Variants in TTPA observed in about 807,000 individuals in gnomAD.
TTPA encodes the protein alpha-tocopherol transfer protein.
Under a neutral mutation model 25.9 loss-of-function variants are expected in TTPA, and 23 were observed. That is an observed-to-expected ratio of 0.89 (90% CI 0.64 to 1.26). The LOEUF (loss-of-function observed/expected upper bound fraction) is 1.26, where lower values mean the gene tolerates loss of function less well. Among genes scored for constraint, TTPA ranks in the 50% most tolerant of loss-of-function variants. The probability of loss-of-function intolerance (pLI) is 0.00; values close to 1 mark genes in which losing one functional copy is unlikely to be tolerated. For synonymous variants in TTPA, 148 were observed against 137.3 expected (o/e 1.08, Z -0.54); for missense variants, 337 against 353.1 (o/e 0.95, Z 0.37).
chr8:63,069,635 C>T (rs965017310), intron 2 of TTPA, among the ~76,000 whole-genome samples: 24 of 151,568 alleles, frequency 1.6e-4, no homozygotes, highest in Non-Finnish European at 2.7e-4. Context: ...CTCCAAAAGC[C>T]GAAGTGGGAG....
rs1258543237 is a variant in TTPA, at chr8:63,059,931, A to AT, written c.*1320dup. 6.6e-6 allele frequency: 1 copy of AT among 152,026 alleles called. No homozygotes were observed. Among genetic ancestry groups the AT allele is most frequent in the East Asian group, 1.9e-4 (1 of 5,192 alleles). The allele number at this position is 152,026 out of a possible 1,614,324, so 9.4% of individuals were successfully genotyped here. On this transcript the variant is annotated 3_prime_UTR_variant, in exon 5 of 5. Coordinates refer to ENST00000260116, the MANE Select transcript of TTPA (RefSeq NM_000370.3). Reference sequence around the variant, plus strand: ...GGTCTAGAACTCCTGCGCTCAAGCAATCATCCATCCAGCCTCGGCCTCCCA... The same window carrying AT: ...GGTCTAGAACTCCTGCGCTCAAGCAATTCATCCATCCAGCCTCGGCCTCCCA...
chr8:63,062,924 TA>T (rs746178629), intron 4 of TTPA, among the ~76,000 whole-genome samples: 12 of 152,134 alleles, frequency 7.9e-5, no homozygotes, highest in Non-Finnish European at 1.8e-4. Flanking sequence ...ATAAAAATAC[TA>T]GAATGAAAAG....
In TTPA at chr8:63,066,114, A is replaced by C. The variant is rs750321633; in HGVS notation, c.359-17T>G. The C allele has an allele frequency of 6.2e-7, 1 of 1,608,308 alleles. No homozygotes were observed. The highest frequency in any genetic ancestry group is 8.5e-7 in the Non-Finnish European group (1 of 1,175,536). ...CCCAGTGTGCTAAAAAAAATAAAGC[A>C]TATCATATCTTAGCATTGTGTAAAA... On this transcript the variant is annotated splice_polypyrimidine_tract_variant and intron_variant, in intron 2 of 4. Transcript: ENST00000260116.
rs1188023302 is a variant in TTPA, at chr8:63,059,548, G to A, written c.*1704C>T. Among the ~76,000 whole-genome samples the A allele has an allele frequency of 6.6e-6, 1 of 151,970 alleles. No individual in the cohort carries two copies. Among genetic ancestry groups the A allele is most frequent in the Non-Finnish European group, 1.5e-5 (1 of 67,998 alleles). On this transcript the variant is annotated 3_prime_UTR_variant, in exon 5 of 5. Transcript: ENST00000260116. ...ACATAAAGATACTATTAATGTATAT[G>A]ATTAATGTTGAAACCTAACTAGCTG... is the stretch of plus-strand genomic sequence containing the variant.
At chr8:63,071,107 C>T (rs1470851025) in intron 2 of TTPA, among the ~76,000 whole-genome samples, 3 of 152,140 alleles carry the variant, frequency 2.0e-5, no homozygotes, top group East Asian at 3.8e-4. Flanking sequence ...AACTTCATTG[C>T]TATGAGCTCA....
chr8:63,066,550 C>G (rs1805393318), intron 2 of TTPA, among the ~76,000 whole-genome samples: 1 of 152,156 alleles, frequency 6.6e-6, no homozygotes, highest in Admixed American at 6.5e-5. Context: ...CAGTAGTAAG[C>G]AGCACATAGC....
Position 63,078,213 on chromosome 8 carries a change from A to G in TTPA, c.205-5125T>C, listed in dbSNP as rs539553993. Among the ~76,000 whole-genome samples the G allele has an allele frequency of 1.4e-4, 21 of 152,332 alleles. No homozygotes were observed. In the South Asian group the frequency reaches 4.3e-3, roughly 32 times the overall value. ...ACGTCAAAGACCAAAGGTGGATAAA[A>G]CCACAAAGATGGGGAGAAACCAGAG... On this transcript the variant is annotated intron_variant, in intron 1 of 4. Coordinates refer to ENST00000260116, the MANE Select transcript of TTPA (RefSeq NM_000370.3).
chr8:63,071,370 G>A lies in TTPA; in HGVS notation c.358+1565C>T, dbSNP rs1392180962. The stretch of plus-strand genomic sequence containing the variant: ...TCTTATCTATAAGCAGGCAAGAAAT[G>A]CAAATATTTAAATATTTTAAATCTT... On this transcript the variant is annotated intron_variant, in intron 2 of 4. Transcript: ENST00000260116. Among the ~76,000 whole-genome samples the A allele has an allele frequency of 2.0e-5, 3 of 152,182 alleles. No homozygotes were observed. In the East Asian group the frequency reaches 5.8e-4, roughly 29 times the overall value.
At chr8:63,073,246 T>C (rs1480578859) in intron 1 of TTPA, among the ~76,000 whole-genome samples, 158 bp from the exon 2 acceptor site, 1 of 152,192 alleles carries the variant, frequency 6.6e-6, no homozygotes, top group Non-Finnish European at 1.5e-5. Flanking sequence ...GAAAGTTCTT[T>C]TATCAAGGAT....
intron 1 of TTPA, among the ~76,000 whole-genome samples, chr8:63,078,496 A>G (rs979187498): frequency 2.0e-5 from 3 of 152,220 alleles, no homozygotes; most frequent in Admixed American, 2.0e-4. Flanking sequence ...ACCTTAAATG[A>G]CCGGATGGAA....
chr8:63,060,912 G>C lies in TTPA; in HGVS notation c.*340C>G, dbSNP rs1406179827. The C allele has an allele frequency of 5.2e-6, 1 of 192,156 alleles. No individual in the cohort carries two copies. The highest frequency in any genetic ancestry group is 1.1e-5 in the Non-Finnish European group (1 of 91,460). The allele number at this position is 192,156 out of a possible 1,614,324, so 11.9% of individuals were successfully genotyped here. A position where few individuals can be genotyped will look rare whatever the true frequency, so the allele number is the denominator to read the frequency against. On this transcript the variant is annotated 3_prime_UTR_variant, in exon 5 of 5. Coordinates refer to ENST00000260116, the MANE Select transcript of TTPA (RefSeq NM_000370.3). ...ATTTTTTTCTAAACCAATTTAATCAGAGAACTTGTTTAAAATATAACTTTC... is the reference window on the plus strand; with the variant it reads ...ATTTTTTTCTAAACCAATTTAATCACAGAACTTGTTTAAAATATAACTTTC...
chr8:63,073,171 G>A (rs1805511099), intron 1 of TTPA, 83 bp from the exon 2 acceptor site: 2 of 1,160,038 alleles, frequency 1.7e-6, no homozygotes. Context: ...TTGGCATTGT[G>A]TATAAACTTT....
intron 2 of TTPA, 72 bp downstream of exon 2, chr8:63,072,863 G>A: frequency 6.5e-7 from 1 of 1,545,872 alleles, no homozygotes; most frequent in Non-Finnish European, 8.9e-7. Flanking sequence ...AAGAAAGAGA[G>A]AAGAGGAGAG....
chr8:63,064,298 C>A lies in TTPA; in HGVS notation c.571G>T (p.Val191Phe). The change falls in exon 4 of 5, where the codon GTT becomes TTT. Residue 191 changes from valine (V) to phenylalanine (F), a missense_variant. Physicochemically the swap from Val to Phe is conservative, Grantham distance 50. Transcript: ENST00000260116. ...TCATTTATCAAATGGATGCCACGAA[C>A]TTTCAATGGAAATGAATCCTTTTGA... ...AVLTDSFPLK[V>F]RGIHLINEPV... The A allele has an allele frequency of 1.2e-6, 2 of 1,612,136 alleles. No homozygotes were observed. The highest frequency in any genetic ancestry group is 1.1e-5 in the South Asian group (1 of 90,960).
At chr8:63,079,765 A>T (rs1805631576) in intron 1 of TTPA, among the ~76,000 whole-genome samples, 1 of 152,166 alleles carries the variant, frequency 6.6e-6, no homozygotes, top group African/African-American at 2.4e-5. Flanking sequence ...GATCAATGAG[A>T]CAGAAGGTTA....
In TTPA at chr8:63,061,244, A is replaced by AT; in HGVS notation, c.*7dup. 3.1e-6 allele frequency: 5 copies of AT among 1,613,020 alleles called. No individual in the cohort carries two copies. The highest frequency in any genetic ancestry group is 4.2e-6 in the Non-Finnish European group (5 of 1,179,772). Reference sequence around the variant, plus strand: ...TTAGTTAGGAAGCCATTCACATGACATAACTTCTCATTGAATGCTCTCAGA... The same window carrying AT: ...TTAGTTAGGAAGCCATTCACATGACATTAACTTCTCATTGAATGCTCTCAGA... On this transcript the variant is annotated 3_prime_UTR_variant, in exon 5 of 5. Coordinates refer to ENST00000260116, the MANE Select transcript of TTPA (RefSeq NM_000370.3).
downstream of TTPA, among the ~76,000 whole-genome samples, chr8:63,059,020 GTTTTTTTTT>G (rs35335226): frequency 2.0e-3 from 135 of 67,178 alleles, no homozygotes; most frequent in African/African-American, 7.1e-3. Flanking sequence ...GCAGGGTCCA[GTTTTTTTTT>G]TTTTTTTTTT....
In TTPA at chr8:63,073,089, C is replaced by G. The variant is rs886040963; in HGVS notation, c.205-1G>C. 5 of 1,606,268 alleles carry G rather than the reference C, an allele frequency of 3.1e-6. No homozygotes were observed. In the Admixed American group the frequency reaches 5.0e-5, roughly 16 times the overall value. The stretch of plus-strand genomic sequence containing the variant: ...TCCACTTATAATAGTTTTTTAGTAA[C>G]TGAAAAATAAAATTAAAATTGTCTA... On this transcript the variant is annotated splice_acceptor_variant, in intron 1 of 4. Coordinates refer to ENST00000260116, the MANE Select transcript of TTPA (RefSeq NM_000370.3). LOFTEE classifies it high-confidence loss of function.
chr8:63,073,570 G>T (rs774596929), intron 1 of TTPA, among the ~76,000 whole-genome samples: 2 of 152,180 alleles, frequency 1.3e-5, no homozygotes, highest in African/African-American at 2.4e-5. Context: ...AATTCATGTG[G>T]AGAGAGGCAT....
Sources: gnomAD v4.1 joint callset for allele counts (sites outside exome capture counted in the v4.1 genomes callset) on GRCh38, gnomAD v4.1.1 for gene constraint, MANE v1.5 for transcripts, NCBI Gene and HGNC (gene_info 2026-07-23, HGNC 2026-07-21) for gene names.